MAGI2: variants seen among roughly 807,000 people sequenced by gnomAD.
The protein encoded by MAGI2 is membrane associated guanylate kinase, WW and PDZ domain containing 2.
MAGI2 carries 35 observed loss-of-function variants against 133.3 expected under a neutral mutation model. That is an observed-to-expected ratio of 0.26 (90% CI 0.20 to 0.35). The LOEUF is 0.35. Among genes scored for constraint, MAGI2 ranks in the 10% least tolerant of loss-of-function variants. MAGI2 has a pLI of 1.00. For synonymous variants in MAGI2, 729 were observed against 710.6 expected (o/e 1.03, Z -0.41); for missense variants, 1,636 against 1,863.4 (o/e 0.88, Z 2.25).
intron 2 of MAGI2, among the ~76,000 whole-genome samples, chr7:78,649,980 A>T (rs1233230839): frequency 6.6e-6 from 1 of 152,216 alleles, no homozygotes; most frequent in Non-Finnish European, 1.5e-5. Context: ...TCTGATAAGC[A>T]GGCCTGGGTA....
chr7:79,419,829 T>A (rs1437618962), intron 1 of MAGI2, among the ~76,000 whole-genome samples: 1 of 152,056 alleles, frequency 6.6e-6, no homozygotes, highest in Non-Finnish European at 1.5e-5. Context: ...GGAAAACTGA[T>A]GACATAAAAC....
intron 3 of MAGI2, among the ~76,000 whole-genome samples, chr7:78,521,851 T>C (rs1054477940): frequency 3.9e-5 from 6 of 152,190 alleles, no homozygotes; most frequent in African/African-American, 1.4e-4. Context: ...CGTTGGACTT[T>C]AATGCTTAGA....
chr7:78,784,712 A>C (rs145230745), intron 2 of MAGI2, among the ~76,000 whole-genome samples: 1 of 152,284 alleles, frequency 6.6e-6, no homozygotes, highest in East Asian at 1.9e-4. Flanking sequence ...TTCTACATGG[A>C]TGTCTATTCT....
At chr7:78,348,865 T>A (rs1343937514) in intron 7 of MAGI2, among the ~76,000 whole-genome samples, 1 of 152,174 alleles carries the variant, frequency 6.6e-6, no homozygotes, top group African/African-American at 2.4e-5. Context: ...AGGTTCCTAT[T>A]TATTTACTAG....
At chr7:78,560,675 G>T (rs566685250) in intron 3 of MAGI2, among the ~76,000 whole-genome samples, 1 of 152,102 alleles carries the variant, frequency 6.6e-6, no homozygotes, top group African/African-American at 2.4e-5. Flanking sequence ...ATTATTTGTG[G>T]GCTTCAGCGG....
intron 20 of MAGI2, among the ~76,000 whole-genome samples, chr7:78,102,549 CT>C (rs1417937585): frequency 1.3e-5 from 2 of 152,134 alleles, no homozygotes; most frequent in Admixed American, 6.5e-5. Context: ...AAACTTCCCC[CT>C]TTCCCCCACA....
At chr7:79,243,228 C>T (rs746165547) in intron 1 of MAGI2, among the ~76,000 whole-genome samples, 16 of 143,358 alleles carry the variant, frequency 1.1e-4, no homozygotes, top group Non-Finnish European at 1.4e-4. Context: ...CACAGATACA[C>T]ATTACCAATA....
At chr7:78,854,963 C>T (rs1793496601) in intron 2 of MAGI2, among the ~76,000 whole-genome samples, 1 of 152,030 alleles carries the variant, frequency 6.6e-6, no homozygotes, top group Admixed American at 6.6e-5. Flanking sequence ...TCAAGCAATT[C>T]TACCTTACCT....
At chr7:78,699,280 G>C (rs1363133544) in intron 2 of MAGI2, among the ~76,000 whole-genome samples, 1 of 152,100 alleles carries the variant, frequency 6.6e-6, no homozygotes, top group East Asian at 1.9e-4. Flanking sequence ...TTTAAATTTT[G>C]TGTAGTGATA....
At chr7:79,239,082 A>G (rs981693345) in intron 1 of MAGI2, among the ~76,000 whole-genome samples, 3 of 152,182 alleles carry the variant, frequency 2.0e-5, no homozygotes, top group Non-Finnish European at 4.4e-5. Flanking sequence ...CCTGACAGCT[A>G]TGCACTTGCA....
chr7:79,274,720 T>C (rs1353391515), intron 1 of MAGI2, among the ~76,000 whole-genome samples: 1 of 152,168 alleles, frequency 6.6e-6, no homozygotes, highest in African/African-American at 2.4e-5. Context: ...ATTTTACAAA[T>C]TGAAGGTTGT....
In MAGI2 at chr7:78,130,225, G is replaced by C. The variant is rs567343659; in HGVS notation, c.3203+2664C>G. 1.1e-4 allele frequency among the ~76,000 whole-genome samples: 17 copies of C among 152,270 alleles called. No homozygotes were observed. The East Asian group carries it at 2.1e-3, about 19-fold the overall frequency. ...ATGCTTCCTGAGCACACACCCAAAAGATGTTAAAGGACTGAGAAATGGGGA... is the reference window on the plus strand; with the variant it reads ...ATGCTTCCTGAGCACACACCCAAAACATGTTAAAGGACTGAGAAATGGGGA... On this transcript the variant is annotated intron_variant, in intron 18 of 21. Coordinates refer to ENST00000354212, the MANE Select transcript of MAGI2 (RefSeq NM_012301.4).
At chr7:79,157,453 G>A (rs1056731881) in intron 1 of MAGI2, among the ~76,000 whole-genome samples, 1 of 151,788 alleles carries the variant, frequency 6.6e-6, no homozygotes, top group African/African-American at 2.4e-5. Context: ...CATGTAAGAG[G>A]GTGGAAATGA....
Position 78,294,747 on chromosome 7 carries a change from C to T in MAGI2, c.1409-38166G>A, listed in dbSNP as rs954744833. On this transcript the variant is annotated intron_variant, in intron 9 of 21. Transcript: ENST00000354212. ...AGCCTTTGCTGTGTACTCGGTACTACGCTAAGTACGATGATGGCCACAATA... is the reference window on the plus strand; with the variant it reads ...AGCCTTTGCTGTGTACTCGGTACTATGCTAAGTACGATGATGGCCACAATA... 2.3e-4 allele frequency among the ~76,000 whole-genome samples: 35 copies of T among 152,098 alleles called. 1 individual carries two copies. The highest frequency in any genetic ancestry group is 7.7e-4 in the African/African-American group (32 of 41,418).
chr7:78,085,452 G>T (rs1009487312), intron 20 of MAGI2, among the ~76,000 whole-genome samples: 1 of 151,926 alleles, frequency 6.6e-6, no homozygotes, highest in African/African-American at 2.4e-5. Context: ...GAGCCCAGGA[G>T]TTCGAGGCTG....
intron 2 of MAGI2, among the ~76,000 whole-genome samples, chr7:78,832,942 G>A (rs766161074): frequency 3.9e-5 from 6 of 152,072 alleles, no homozygotes; most frequent in Admixed American, 6.6e-5. Flanking sequence ...ATAAACCGAC[G>A]CATGAGGGGC....
chr7:78,458,294 C>CAAAAAAAAAAAAAAAAAA (rs11380893), intron 6 of MAGI2, among the ~76,000 whole-genome samples: 3 of 113,088 alleles, frequency 2.7e-5, no homozygotes, highest in South Asian at 2.9e-4. Context: ...AACTCGGTCT[C>CAAAAAAAAAAAAAAAAAA]AAAAAAAAAA....
intron 1 of MAGI2, among the ~76,000 whole-genome samples, chr7:79,440,771 TTATCTC>T (rs781514719): frequency 3.6e-4 from 55 of 152,226 alleles, no homozygotes; most frequent in Non-Finnish European, 6.8e-4. Flanking sequence ...TACTATATTA[TTATCTC>T]TATAACAAGG....
intron 10 of MAGI2, among the ~76,000 whole-genome samples, chr7:78,219,534 T>C (rs1788600689): frequency 6.6e-6 from 1 of 152,134 alleles, no homozygotes; most frequent in African/African-American, 2.4e-5. Flanking sequence ...TGAAAACATC[T>C]AATCTCCTTC....
Sources: allele counts gnomAD v4.1 joint callset (sites outside exome capture counted in the v4.1 genomes callset), GRCh38; gene constraint gnomAD v4.1.1; transcripts MANE v1.5; gene names NCBI Gene and HGNC (gene_info 2026-07-23, HGNC 2026-07-21).